Variants in ADIPOR2 observed in about 807,000 individuals in gnomAD.
ADIPOR2 encodes the protein adiponectin receptor protein 2.
ADIPOR2 carries 18 observed loss-of-function variants against 40.9 expected under a neutral mutation model. The observed-to-expected ratio is 0.44, with a 90% CI of 0.30 to 0.65. ADIPOR2 has a LOEUF of 0.65. Among genes scored for constraint, ADIPOR2 ranks in the 30% least tolerant of loss-of-function variants. ADIPOR2 has a pLI of 0.09. For synonymous variants in ADIPOR2, 165 were observed against 166.4 expected, an observed-to-expected ratio of 0.99 and a Z score of 0.06; for missense variants, 283 against 479.2, an observed-to-expected ratio of 0.59 and a Z score of 3.82.
At chr12:1,758,012 G>A (rs1232420648) in intron 2 of ADIPOR2, 3 of 832,570 alleles carry the variant, frequency 3.6e-6, no homozygotes, top group Non-Finnish European at 6.2e-6. Flanking sequence ...CACGCGCCAT[G>A]GCTGCGTTAG....
chr12:1,756,448 CCTT>C (rs1354147081), intron 2 of ADIPOR2, among the ~76,000 whole-genome samples: 2 of 138,152 alleles, frequency 1.4e-5, no homozygotes, highest in East Asian at 4.3e-4. Context: ...CTGTGCCTGG[CCTT>C]CTTTTTTTTT....
intron 1 of ADIPOR2, among the ~76,000 whole-genome samples, chr12:1,720,349 G>A (rs2094695432): frequency 6.6e-6 from 1 of 152,150 alleles, no homozygotes; most frequent in Non-Finnish European, 1.5e-5. Context: ...TGGGCAGGGG[G>A]TGGAGGGGAT....
chr12:1,724,934 G>A (rs1297093861), intron 1 of ADIPOR2, among the ~76,000 whole-genome samples: 1 of 152,024 alleles, frequency 6.6e-6, no homozygotes, highest in Non-Finnish European at 1.5e-5. Flanking sequence ...CTGAACAACT[G>A]TTAGGTATTA....
intron 1 of ADIPOR2, among the ~76,000 whole-genome samples, chr12:1,698,444 ACTC>A (rs2094643772): frequency 6.6e-6 from 1 of 151,468 alleles, no homozygotes; most frequent in Admixed American, 6.6e-5. Context: ...CCGGCCTTGA[ACTC>A]CTGGACTCAA....
At chr12:1,748,258 C>T (rs974322105) in intron 1 of ADIPOR2, among the ~76,000 whole-genome samples, 10 of 151,524 alleles carry the variant, frequency 6.6e-5, no homozygotes, top group South Asian at 2.1e-4. Flanking sequence ...TTTATTTATT[C>T]TTTTTTTAGA....
At chr12:1,772,610 G>C (rs781641210) in intron 2 of ADIPOR2, 2 of 367,316 alleles carry the variant, frequency 5.4e-6, no homozygotes, top group Non-Finnish European at 9.1e-6. Flanking sequence ...TACTGAAACA[G>C]AGATGCTGCT....
rs1315419457 is a variant in ADIPOR2, at chr12:1,772,886, T to A, written c.216T>A (p.Asp72Glu). 1.2e-6 allele frequency: 2 copies of A among 1,613,606 alleles called. No individual in the cohort carries two copies. The highest frequency in any genetic ancestry group is 1.7e-6 in the Non-Finnish European group (2 of 1,179,698). ...ACAGTGATGAAGCTCCTCAGGAAGA[T>A]GAGGGCTTTATGGGCATGTCCCCTC... ...HEYSDEAPQE[D>E]EGFMGMSPLL... The change falls in exon 3 of 8, where the codon GAT becomes GAA. Residue 72 changes from aspartate (D) to glutamate (E), a missense_variant. Asp to Glu is a conservative substitution (Grantham distance 45). Coordinates refer to ENST00000357103, the MANE Select transcript of ADIPOR2 (RefSeq NM_024551.3).
rs748893641 is a variant in ADIPOR2, at chr12:1,788,085, C to G, written c.*2013C>G. 1.3e-5 allele frequency: 2 copies of G among 152,714 alleles called. No homozygotes were observed. The highest frequency in any genetic ancestry group is 2.1e-4 in the South Asian group (1 of 4,836). 9.5% of individuals were successfully genotyped at this position (152,714 alleles called of 1,614,324 possible). A position where few individuals can be genotyped will look rare whatever the true frequency, so the allele number is the denominator to read the frequency against. ...GCCAGACTTGCTCTTCGGTCATGCA[C>G]TTTGGGATACAGCGTATAGGTGCAG... On this transcript the variant is annotated 3_prime_UTR_variant, in exon 8 of 8. Coordinates refer to ENST00000357103, the MANE Select transcript of ADIPOR2 (RefSeq NM_024551.3).
intron 1 of ADIPOR2, among the ~76,000 whole-genome samples, chr12:1,694,867 C>A (rs576473862): frequency 6.6e-6 from 1 of 151,100 alleles, no homozygotes; most frequent in South Asian, 2.1e-4. Context: ...ACAGAAAGTT[C>A]CCATATTCCC....
chr12:1,747,986 G>A (rs1358320300), intron 1 of ADIPOR2, among the ~76,000 whole-genome samples: 1 of 152,046 alleles, frequency 6.6e-6, no homozygotes, highest in Non-Finnish European at 1.5e-5. Context: ...GGAGTTTTCA[G>A]CCATTATTTC....
intron 1 of ADIPOR2, among the ~76,000 whole-genome samples, chr12:1,719,925 C>T (rs546176031): frequency 6.6e-6 from 1 of 152,060 alleles, no homozygotes; most frequent in Non-Finnish European, 1.5e-5. Context: ...GATCTGTCTG[C>T]CCCGGCCTCC....
At chr12:1,708,170 G>A (rs759193951) in intron 1 of ADIPOR2, among the ~76,000 whole-genome samples, 2 of 149,626 alleles carry the variant, frequency 1.3e-5, no homozygotes, top group South Asian at 2.1e-4. Flanking sequence ...AGGAAGATGT[G>A]CATATGCAAA....
Position 1,777,898 on chromosome 12 carries a change from A to G in ADIPOR2, c.336A>G (p.Pro112=), listed in dbSNP as rs748937943. The G allele has an allele frequency of 1.7e-5, 27 of 1,614,114 alleles. No homozygotes were observed. Among genetic ancestry groups the G allele is most frequent in the East Asian group, 6.7e-5 (3 of 44,876 alleles). Residue 112 remains proline (P), a synonymous_variant, in exon 4 of 8, where the codon CCA becomes CCG. Coordinates refer to ENST00000357103, the MANE Select transcript of ADIPOR2 (RefSeq NM_024551.3). ...GAGTGATCCCTCATGATGTACTACC[A>G]GACTGGCTCAAGGATAATGACTTCC... ...RWRVIPHDVL[P]DWLKDNDFLL... is the part of the protein sequence containing the mutation.
chr12:1,759,234 A>G (rs1398065476), intron 2 of ADIPOR2, among the ~76,000 whole-genome samples: 1 of 152,222 alleles, frequency 6.6e-6, no homozygotes, highest in African/African-American at 2.4e-5. Flanking sequence ...TTTGAAAGCA[A>G]ATAGAACGAA....
At chr12:1,712,705 G>A (rs1415218053) in intron 1 of ADIPOR2, among the ~76,000 whole-genome samples, 1 of 152,082 alleles carries the variant, frequency 6.6e-6, no homozygotes, top group Non-Finnish European at 1.5e-5. Context: ...CTTTATTAGA[G>A]TATAGAGTGG....
At chr12:1,735,995 G>A (rs1364370107) in intron 1 of ADIPOR2, among the ~76,000 whole-genome samples, 1 of 151,596 alleles carries the variant, frequency 6.6e-6, no homozygotes, top group African/African-American at 2.4e-5. Flanking sequence ...GATTCGGTTT[G>A]CCAGTATTTT....
At chr12:1,733,432 G>A (rs1250429426) in intron 1 of ADIPOR2, among the ~76,000 whole-genome samples, 1 of 152,150 alleles carries the variant, frequency 6.6e-6, no homozygotes, top group Non-Finnish European at 1.5e-5. Context: ...CGTGAGAGCA[G>A]TTAAACTCTT....
chr12:1,748,447 A>G (rs535649195), intron 1 of ADIPOR2, among the ~76,000 whole-genome samples: 3 of 152,046 alleles, frequency 2.0e-5, no homozygotes, highest in African/African-American at 7.2e-5. Context: ...ATGGGGTTTC[A>G]CCGTGTTAGC....
intron 1 of ADIPOR2, among the ~76,000 whole-genome samples, chr12:1,713,085 G>A (rs561077702): frequency 6.6e-6 from 1 of 152,242 alleles, no homozygotes; most frequent in East Asian, 1.9e-4. Context: ...GACCAAACAG[G>A]TGAGGGCTAT....
Sources: allele counts gnomAD v4.1 joint callset (sites outside exome capture counted in the v4.1 genomes callset), GRCh38; gene constraint gnomAD v4.1.1; transcripts MANE v1.5; gene names NCBI Gene and HGNC (gene_info 2026-07-23, HGNC 2026-07-21).